The following RFX4 variants were observed in gnomAD, a reference collection of about 807,000 sequenced individuals.
RFX4 encodes transcription factor RFX4.
In RFX4, 10 loss-of-function variants were observed where a neutral mutation model predicts 95.0. The observed-to-expected ratio is 0.11, with a 90% CI of 0.06 to 0.18. The LOEUF (loss-of-function observed/expected upper bound fraction) is 0.18. Among genes scored for constraint, RFX4 ranks in the 10% least tolerant of loss-of-function variants. The probability of loss-of-function intolerance (pLI) is 1.00; values close to 1 mark genes in which losing one functional copy is unlikely to be tolerated. For synonymous variants in RFX4, 321 were observed against 340.7 expected, an observed-to-expected ratio of 0.94 and a Z score of 0.64; for missense variants, 640 against 922.0, an observed-to-expected ratio of 0.69 and a Z score of 3.96.
intron 7 of RFX4, among the ~76,000 whole-genome samples, chr12:106,694,050 C>A (rs982319317): frequency 1.3e-5 from 2 of 152,190 alleles, no homozygotes; most frequent in Non-Finnish European, 2.9e-5. Flanking sequence ...TAGAACCCTG[C>A]AAGTCAGTCT....
At chr12:106,647,873 A>G (rs954879571) in intron 3 of RFX4, among the ~76,000 whole-genome samples, 5 of 152,182 alleles carry the variant, frequency 3.3e-5, no homozygotes, top group African/African-American at 1.2e-4. Context: ...GAAGGAAGTG[A>G]GAGAGTTCAA....
At chr12:106,751,210 A>G (rs1398944194) in intron 17 of RFX4, among the ~76,000 whole-genome samples, 6 of 151,390 alleles carry the variant, frequency 4.0e-5, no homozygotes, top group African/African-American at 1.5e-4. Context: ...TCTTGCGATA[A>G]TTTACTGAGA....
intron 1 of RFX4, among the ~76,000 whole-genome samples, chr12:106,602,220 G>A (rs1219466448): frequency 1.3e-5 from 2 of 152,202 alleles, no homozygotes; most frequent in African/African-American, 4.8e-5. Context: ...CAGAGATGAA[G>A]CATGTGGAGC....
At chr12:106,669,879 T>TGTGTGTGTGTGTG (rs2041249676) in intron 4 of RFX4, among the ~76,000 whole-genome samples, 1 of 142,368 alleles carries the variant, frequency 7.0e-6, no homozygotes, top group Non-Finnish European at 1.5e-5. Context: ...TGTGTGTGTG[T>TGTGTGTGTGTGTG]AGTGCCATGT....
chr12:106,686,811 C>T (rs1327925933), intron 5 of RFX4, 73 bp from the exon 6 acceptor site: 1 of 1,438,654 alleles, frequency 7.0e-7, no homozygotes, highest in Non-Finnish European at 9.6e-7. Flanking sequence ...GGAAACCTCA[C>T]TTAATAACAG....
At chr12:106,728,140 T>C (rs2042539938) in intron 13 of RFX4, among the ~76,000 whole-genome samples, 1 of 152,088 alleles carries the variant, frequency 6.6e-6, no homozygotes. Context: ...TGAAATGCTT[T>C]GATTCTACCA....
rs183272841 is a variant in RFX4 at position 106,589,442 on chromosome 12, C to T, written c.43+6079C>T. On this transcript the variant is annotated intron_variant, in intron 1 of 17. Transcript: ENST00000392842. ...TTTGGAGCTTAGAGGAAAGGATGCTCTCTCTTGCTGAGTACCTACCATGTA... is the reference window on the plus strand; with the variant it reads ...TTTGGAGCTTAGAGGAAAGGATGCTTTCTCTTGCTGAGTACCTACCATGTA... Among the ~76,000 whole-genome samples, 331 of 152,314 alleles carry T rather than the reference C, an allele frequency of 2.2e-3. 1 individual carries two copies. The highest frequency in any genetic ancestry group is 3.9e-3 in the Non-Finnish European group (264 of 68,024).
intron 2 of RFX4, among the ~76,000 whole-genome samples, chr12:106,635,742 A>G (rs1003691478): frequency 1.3e-5 from 2 of 152,240 alleles, no homozygotes; most frequent in East Asian, 3.8e-4. Context: ...CAAACTGCAT[A>G]CTAAAAACAT....
chr12:106,670,244 A>T (rs1305367027), intron 4 of RFX4, among the ~76,000 whole-genome samples: 13 of 152,208 alleles, frequency 8.5e-5, no homozygotes, highest in Admixed American at 7.9e-4. Flanking sequence ...CATCACACAC[A>T]TGCTGCCATC....
chr12:106,609,005 A>G (rs905667166), intron 2 of RFX4, 122 bp downstream of exon 2: 109 of 749,530 alleles, frequency 1.5e-4, no homozygotes, highest in Middle Eastern at 4.8e-4. Context: ...CTCTCTAGCT[A>G]TTTATGAAAT....
intron 2 of RFX4, among the ~76,000 whole-genome samples, chr12:106,625,333 T>C (rs1331911223): frequency 1.3e-5 from 2 of 152,184 alleles, no homozygotes; most frequent in Non-Finnish European, 2.9e-5. Context: ...TATTTTTTGA[T>C]GGAATGCAGT....
intron 16 of RFX4, among the ~76,000 whole-genome samples, chr12:106,747,841 T>C (rs1382503977): frequency 6.6e-6 from 1 of 151,260 alleles, no homozygotes; most frequent in Non-Finnish European, 1.5e-5. Flanking sequence ...GGTGGGAGAA[T>C]TGCTTGAACC....
intron 4 of RFX4, among the ~76,000 whole-genome samples, chr12:106,672,789 C>T (rs2041311505): frequency 6.6e-6 from 1 of 151,572 alleles, no homozygotes. Flanking sequence ...AAGCCAAACC[C>T]CCTTCCCACA....
intron 17 of RFX4, among the ~76,000 whole-genome samples, chr12:106,757,547 CAA>C (rs559762867): frequency 6.9e-4 from 39 of 56,572 alleles, no homozygotes; most frequent in East Asian, 5.9e-4. Context: ...GACCCTGTCT[CAA>C]AAAAAAAAAA....
chr12:106,734,548 A>T (rs2042674511), intron 15 of RFX4, among the ~76,000 whole-genome samples: 1 of 151,812 alleles, frequency 6.6e-6, no homozygotes, highest in Non-Finnish European at 1.5e-5. Flanking sequence ...GTGAGCCAAG[A>T]TCGCTCCACT....
intron 4 of RFX4, among the ~76,000 whole-genome samples, chr12:106,666,033 G>T (rs1306564738): frequency 6.6e-6 from 1 of 151,836 alleles, no homozygotes; most frequent in East Asian, 1.9e-4. Context: ...TCTCCCTAAA[G>T]AATTTCTTTT....
chr12:106,747,309 A>C, intron 15 of RFX4, 128 bp from the exon 16 acceptor site: 1 of 951,970 alleles, frequency 1.1e-6, no homozygotes, highest in East Asian at 2.4e-5. Context: ...AGCTCAGCAG[A>C]GTCAGAGATA....
intron 7 of RFX4, chr12:106,693,058 C>G: frequency 2.5e-6 from 1 of 406,022 alleles, no homozygotes; most frequent in Non-Finnish European, 4.9e-6. Context: ...CTTTCCCTCA[C>G]CCTTCAGATC....
At chr12:106,583,569 T>C in intron 1 of RFX4, 1 of 439,802 alleles carries the variant, frequency 2.3e-6, no homozygotes, top group East Asian at 3.6e-5. Flanking sequence ...CGTGTGATTG[T>C]GTACGTGTGT....
Sources: gnomAD v4.1 joint callset for allele counts (sites outside exome capture counted in the v4.1 genomes callset) on GRCh38, gnomAD v4.1.1 for gene constraint, MANE v1.5 for transcripts, NCBI Gene and HGNC (gene_info 2026-07-23, HGNC 2026-07-21) for gene names.